Variants in ABTB2 observed in about 807,000 individuals in gnomAD.
ABTB2 encodes ankyrin repeat and BTB domain containing 2.
In ABTB2, 56 loss-of-function variants were observed where a neutral mutation model predicts 104.1. The ratio of observed to expected loss-of-function variants is 0.54; its 90% CI spans 0.43 to 0.67. ABTB2 has a LOEUF of 0.67. Among genes scored for constraint, ABTB2 ranks in the 30% least tolerant of loss-of-function variants. ABTB2 has a pLI of 0.00. For missense variants in ABTB2, 1,279 were observed against 1,407.7 expected (o/e 0.91, Z 1.46); for synonymous variants, 606 against 608.2 (o/e 1.00, Z 0.05).
At chr11:34,232,286 T>C (rs1308569989) in intron 1 of ABTB2, among the ~76,000 whole-genome samples, 1 of 151,840 alleles carries the variant, frequency 6.6e-6, no homozygotes, top group African/African-American at 2.4e-5. Context: ...CCATCTCTAC[T>C]AAAAATACAA....
intron 1 of ABTB2, among the ~76,000 whole-genome samples, chr11:34,334,516 G>C (rs1477102855): frequency 6.6e-6 from 1 of 152,166 alleles, no homozygotes; most frequent in Non-Finnish European, 1.5e-5. Flanking sequence ...GCACAAATTG[G>C]ATTTATCATA....
Position 34,151,351 on chromosome 11 carries a change from C to G in ABTB2, c.*1036G>C, listed in dbSNP as rs1355089251. ...GCCCAGGGCCTGCAGAATTCGAGGG[C>G]AAGGCCGTGAGGGGACACAGCAGAA... On this transcript the variant is annotated 3_prime_UTR_variant, in exon 17 of 17. Transcript: ENST00000435224. The G allele has an allele frequency of 6.6e-6, 1 of 152,262 alleles. No homozygotes were observed. Among genetic ancestry groups the G allele is most frequent in the African/African-American group, 2.4e-5 (1 of 41,456 alleles). 9.4% of individuals were successfully genotyped at this position (152,262 alleles called of 1,614,324 possible).
intron 1 of ABTB2, among the ~76,000 whole-genome samples, chr11:34,327,718 C>T (rs1855087321): frequency 6.6e-6 from 1 of 152,102 alleles, no homozygotes; most frequent in African/African-American, 2.4e-5. Flanking sequence ...CCCGTATTTC[C>T]ACTCTTCCCC....
chr11:34,172,371 CAAAA>C (rs1230787869), intron 4 of ABTB2, among the ~76,000 whole-genome samples: 50 of 61,670 alleles, frequency 8.1e-4, no homozygotes, highest in African/African-American at 2.9e-3. Context: ...AACTCTGTCT[CAAAA>C]AAAAAAAAAA....
Position 34,211,969 on chromosome 11 carries a change from A to G in ABTB2, c.884-7279T>C, listed in dbSNP as rs1590218277. Among the ~76,000 whole-genome samples, 3 of 152,148 alleles carry G rather than the reference A, an allele frequency of 2.0e-5. No individual in the cohort carries two copies. In the South Asian group the frequency reaches 6.2e-4, roughly 32 times the overall value. On this transcript the variant is annotated intron_variant, in intron 1 of 16. Coordinates refer to ENST00000435224, the MANE Select transcript of ABTB2 (RefSeq NM_145804.3). ...TAATACTTGGGCAAAACCCATCTCAAGACGTGACCATGATACTGTGAGGCC... is the reference window on the plus strand; with the variant it reads ...TAATACTTGGGCAAAACCCATCTCAGGACGTGACCATGATACTGTGAGGCC...
At chr11:34,341,989 G>A (rs1366161921) in intron 1 of ABTB2, among the ~76,000 whole-genome samples, 2 of 152,152 alleles carry the variant, frequency 1.3e-5, no homozygotes, top group East Asian at 3.9e-4. Flanking sequence ...GGTGACAAAT[G>A]CCTTTGGCTT....
chr11:34,267,071 C>G (rs1487477144), intron 1 of ABTB2, among the ~76,000 whole-genome samples: 1 of 152,160 alleles, frequency 6.6e-6, no homozygotes, highest in East Asian at 1.9e-4. Context: ...GAGGAAAATT[C>G]TCTCAATGTA....
chr11:34,152,269 G>GGGA lies in ABTB2; in HGVS notation c.*115_*117dup, dbSNP rs569938188. 67 of 1,133,040 alleles carry GGGA rather than the reference G, an allele frequency of 5.9e-5. 1 individual carries two copies. The South Asian group carries it at 9.2e-4, about 15-fold the overall frequency. The allele number at this position is 1,133,040 out of a possible 1,614,324, so 70.2% of individuals were successfully genotyped here. A position where few individuals can be genotyped will look rare whatever the true frequency, so the allele number is the denominator to read the frequency against. Reference sequence around the variant, plus strand: ...GCCCGGTGACAGGGGGGACATCTGGGGGAGGAGGAGGAAACAGCCCCGTGA... The same window carrying GGGA: ...GCCCGGTGACAGGGGGGACATCTGGGGGAGGAGGAGGAGGAAACAGCCCCGTGA... On this transcript the variant is annotated 3_prime_UTR_variant, in exon 17 of 17. Transcript: ENST00000435224.
intron 3 of ABTB2, among the ~76,000 whole-genome samples, chr11:34,196,377 C>A (rs910872313): frequency 4.6e-5 from 7 of 152,118 alleles, no homozygotes. Context: ...CACAGTGCAA[C>A]CCCGTCTCTA....
intron 1 of ABTB2, among the ~76,000 whole-genome samples, chr11:34,234,672 T>C (rs1230169676): frequency 6.6e-6 from 1 of 152,160 alleles, no homozygotes; most frequent in African/African-American, 2.4e-5. Flanking sequence ...AAGGCAGGGC[T>C]ACCAGGCAGT....
At chr11:34,271,282 G>T (rs1854311183) in intron 1 of ABTB2, among the ~76,000 whole-genome samples, 1 of 152,222 alleles carries the variant, frequency 6.6e-6, no homozygotes, top group Non-Finnish European at 1.5e-5. Flanking sequence ...AATAATCACT[G>T]ATGCCATCCA....
At chr11:34,215,495 A>G (rs1305851771) in intron 1 of ABTB2, among the ~76,000 whole-genome samples, 1 of 152,250 alleles carries the variant, frequency 6.6e-6, no homozygotes, top group Non-Finnish European at 1.5e-5. Flanking sequence ...TCCTGCTTAT[A>G]AACATAACCT....
intron 3 of ABTB2, among the ~76,000 whole-genome samples, 186 bp from the exon 4 acceptor site, chr11:34,173,493 G>A (rs1172429161): frequency 2.0e-5 from 3 of 152,074 alleles, no homozygotes; most frequent in Non-Finnish European, 2.9e-5. Flanking sequence ...GGGCAGCAGG[G>A]GACCCCTTAA....
At chr11:34,291,045 G>C (rs558863132) in intron 1 of ABTB2, among the ~76,000 whole-genome samples, 8 of 152,368 alleles carry the variant, frequency 5.3e-5, no homozygotes, top group African/African-American at 7.2e-5. Context: ...AGTGGAAACA[G>C]AGCAAGTGGC....
At position 34,303,034 on chromosome 11, in the gene ABTB2, C is replaced by A. The variant is rs141295581; in HGVS notation, c.883+53667G>T. 1.3e-4 allele frequency among the ~76,000 whole-genome samples: 20 copies of A among 152,302 alleles called. No individual in the cohort carries two copies. In the East Asian group the frequency reaches 3.5e-3, roughly 26 times the overall value. ...TGGCTTTCCTTCTCAACATTCCTGT[C>A]TTCAGGCCTTTGATTTTAGGCAGAG... On this transcript the variant is annotated intron_variant, in intron 1 of 16. Coordinates refer to ENST00000435224, the MANE Select transcript of ABTB2 (RefSeq NM_145804.3).
At chr11:34,282,635 G>A (rs891441673) in intron 1 of ABTB2, among the ~76,000 whole-genome samples, 4 of 150,718 alleles carry the variant, frequency 2.7e-5, no homozygotes, top group Admixed American at 2.0e-4. Flanking sequence ...CAGGTAATTA[G>A]CCTGCCTCAG....
intron 1 of ABTB2, among the ~76,000 whole-genome samples, chr11:34,217,008 T>A (rs1427388060): frequency 6.6e-6 from 1 of 152,168 alleles, no homozygotes; most frequent in African/African-American, 2.4e-5. Flanking sequence ...ACCAACCTCA[T>A]CCTAGAAATT....
chr11:34,310,084 C>T (rs1037547875), intron 1 of ABTB2, among the ~76,000 whole-genome samples: 1 of 152,132 alleles, frequency 6.6e-6, no homozygotes, highest in African/African-American at 2.4e-5. Flanking sequence ...CGCCCTGCAT[C>T]TAAAAGGGGG....
At chr11:34,333,680 C>T (rs935974925) in intron 1 of ABTB2, among the ~76,000 whole-genome samples, 2 of 152,108 alleles carry the variant, frequency 1.3e-5, no homozygotes, top group South Asian at 4.1e-4. Flanking sequence ...TGCTTGAACC[C>T]GGGAGGCAGA....
Sources: allele counts gnomAD v4.1 joint callset (sites outside exome capture counted in the v4.1 genomes callset), GRCh38; gene constraint gnomAD v4.1.1; transcripts MANE v1.5; gene names NCBI Gene and HGNC (gene_info 2026-07-23, HGNC 2026-07-21).